Variants in HS6ST3 observed in about 807,000 individuals in gnomAD.
The protein encoded by HS6ST3 is heparan-sulfate 6-O-sulfotransferase 3.
A neutral mutation model predicts 36.7 loss-of-function variants in HS6ST3; 12 were observed. That is an observed-to-expected ratio of 0.33 (90% confidence interval 0.21 to 0.53). The LOEUF is 0.53. HS6ST3 is among the 20% of genes least tolerant of loss of function. HS6ST3 has a pLI of 0.95. For synonymous variants in HS6ST3, 240 were observed against 257.5 expected, an observed-to-expected ratio of 0.93 and a Z score of 0.65; for missense variants, 584 against 640.9, an observed-to-expected ratio of 0.91 and a Z score of 0.96.
In HS6ST3 at chr13:96,786,023, T is replaced by A. The variant is rs191874926; in HGVS notation, c.708-46467T>A. 7.6e-4 allele frequency among the ~76,000 whole-genome samples: 116 copies of A among 152,304 alleles called. 1 individual carries two copies. The highest frequency in any genetic ancestry group is 2.6e-3 in the African/African-American group (106 of 41,568). ...ATTGCCCTTAAAATCAACTAAACTTTGTGCCATAACCTAGGGGGCTCTACA... is the reference window on the plus strand; with the variant it reads ...ATTGCCCTTAAAATCAACTAAACTTAGTGCCATAACCTAGGGGGCTCTACA... On this transcript the variant is annotated intron_variant, in intron 1 of 1. Coordinates refer to ENST00000376705, the MANE Select transcript of HS6ST3 (RefSeq NM_153456.4).
intron 1 of HS6ST3, among the ~76,000 whole-genome samples, chr13:96,457,744 T>A (rs1245047845): frequency 6.6e-6 from 1 of 152,156 alleles, no homozygotes; most frequent in East Asian, 1.9e-4. Context: ...AGTGGCTGTG[T>A]TAATTTAGAC....
chr13:96,468,469 T>TACATACAC (rs1191834841), intron 1 of HS6ST3, among the ~76,000 whole-genome samples: 2 of 46,152 alleles, frequency 4.3e-5, no homozygotes, highest in Non-Finnish European at 1.2e-4. Context: ...TAACAGGACA[T>TACATACAC]ACACACATAC....
intron 1 of HS6ST3, among the ~76,000 whole-genome samples, chr13:96,311,341 A>G (rs1369809251): frequency 6.6e-6 from 1 of 152,190 alleles, no homozygotes; most frequent in Non-Finnish European, 1.5e-5. Flanking sequence ...TAACTGTGGA[A>G]TGGCAGCATA....
intron 1 of HS6ST3, among the ~76,000 whole-genome samples, chr13:96,622,957 T>C (rs1366822415): frequency 6.6e-6 from 1 of 152,220 alleles, no homozygotes; most frequent in Non-Finnish European, 1.5e-5. Flanking sequence ...TCATGCTTTT[T>C]ACACAATTTC....
At chr13:96,636,614 G>T (rs189595181) in intron 1 of HS6ST3, among the ~76,000 whole-genome samples, 3 of 152,102 alleles carry the variant, frequency 2.0e-5, no homozygotes, top group Non-Finnish European at 4.4e-5. Flanking sequence ...ACTTTGTGGT[G>T]CCAGAATTAA....
chr13:96,587,642 A>C (rs1248087970), intron 1 of HS6ST3, among the ~76,000 whole-genome samples: 1 of 152,124 alleles, frequency 6.6e-6, no homozygotes, highest in Non-Finnish European at 1.5e-5. Context: ...ATAACCACTT[A>C]CTCTTGTGAT....
intron 1 of HS6ST3, among the ~76,000 whole-genome samples, chr13:96,272,919 T>A (rs2139389292): frequency 6.6e-6 from 1 of 152,126 alleles, no homozygotes; most frequent in South Asian, 2.1e-4. Flanking sequence ...GGAGGGATCA[T>A]GTCTTATTCA....
chr13:96,198,917 A>T (rs1288340010), intron 1 of HS6ST3, among the ~76,000 whole-genome samples: 1 of 152,204 alleles, frequency 6.6e-6, no homozygotes, highest in Non-Finnish European at 1.5e-5. Context: ...TTACTGTATT[A>T]GTCTGTTTTC....
intron 1 of HS6ST3, among the ~76,000 whole-genome samples, chr13:96,392,181 T>G (rs2055399165): frequency 6.6e-6 from 1 of 152,246 alleles, no homozygotes. Flanking sequence ...TTTAACAGTT[T>G]GCTTCAGCAC....
chr13:96,738,773 T>C (rs1379472668), intron 1 of HS6ST3, among the ~76,000 whole-genome samples: 4 of 152,246 alleles, frequency 2.6e-5, no homozygotes, highest in Non-Finnish European at 4.4e-5. Context: ...ATCATTACTA[T>C]CAGCCTTCAA....
chr13:96,687,017 A>G (rs952555434), intron 1 of HS6ST3, among the ~76,000 whole-genome samples: 1 of 151,908 alleles, frequency 6.6e-6, no homozygotes, highest in African/African-American at 2.4e-5. Flanking sequence ...CTTTTTCCTC[A>G]GGGCCTCTTT....
At chr13:96,264,461 C>A (rs1224159053) in intron 1 of HS6ST3, among the ~76,000 whole-genome samples, 1 of 152,178 alleles carries the variant, frequency 6.6e-6, no homozygotes, top group African/African-American at 2.4e-5. Flanking sequence ...CTGGCTTGTC[C>A]ATACTTGGGA....
At chr13:96,728,083 C>T (rs2138474343) in intron 1 of HS6ST3, among the ~76,000 whole-genome samples, 1 of 152,198 alleles carries the variant, frequency 6.6e-6, no homozygotes, top group African/African-American at 2.4e-5. Flanking sequence ...GAACAATGCC[C>T]ACCTACCCCA....
chr13:96,275,189 C>T (rs999210655), intron 1 of HS6ST3, among the ~76,000 whole-genome samples: 3 of 152,134 alleles, frequency 2.0e-5, no homozygotes, highest in African/African-American at 4.8e-5. Context: ...GTCAACATGA[C>T]GATGGGTTCC....
intron 1 of HS6ST3, among the ~76,000 whole-genome samples, chr13:96,378,061 G>T (rs1397607855): frequency 1.3e-5 from 2 of 152,138 alleles, no homozygotes; most frequent in Non-Finnish European, 1.5e-5. Flanking sequence ...TTTGGGGAAG[G>T]TTATTTGTCA....
intron 1 of HS6ST3, among the ~76,000 whole-genome samples, chr13:96,623,211 C>G (rs1446414251): frequency 6.6e-6 from 1 of 152,064 alleles, no homozygotes; most frequent in Non-Finnish European, 1.5e-5. Context: ...TATTACCAGC[C>G]AAGAATCAGG....
intron 1 of HS6ST3, among the ~76,000 whole-genome samples, chr13:96,163,226 T>A: frequency 7.7e-6 from 1 of 129,356 alleles, no homozygotes; most frequent in Non-Finnish European, 1.6e-5. Flanking sequence ...AGATACATTT[T>A]TTTTTTTTTT....
At chr13:96,459,668 A>G (rs1282097565) in intron 1 of HS6ST3, among the ~76,000 whole-genome samples, 1 of 152,176 alleles carries the variant, frequency 6.6e-6, no homozygotes, top group Non-Finnish European at 1.5e-5. Context: ...TATTTCAACA[A>G]TTCTTGGTAC....
chr13:96,594,401 T>C (rs531082581), intron 1 of HS6ST3, among the ~76,000 whole-genome samples: 5 of 152,148 alleles, frequency 3.3e-5, no homozygotes, highest in Non-Finnish European at 5.9e-5. Context: ...TCTCTCTTGC[T>C]GTCTTCCTTT....
Sources: allele counts gnomAD v4.1 joint callset (sites outside exome capture counted in the v4.1 genomes callset), GRCh38; gene constraint gnomAD v4.1.1; transcripts MANE v1.5; gene names NCBI Gene and HGNC (gene_info 2026-07-23, HGNC 2026-07-21).